Variants in RAB10 observed in about 807,000 individuals in gnomAD.
The protein encoded by RAB10 is ras-related protein Rab-10.
A neutral mutation model predicts 25.7 loss-of-function variants in RAB10; 5 were observed. That is an observed-to-expected ratio of 0.19 (90% CI 0.10 to 0.41). RAB10 has a LOEUF of 0.41. RAB10 is among the 10% of genes least tolerant of loss of function. RAB10 has a pLI of 1.00. For synonymous variants in RAB10, 89 were observed against 86.4 expected (o/e 1.03, Z -0.16); for missense variants, 103 against 245.8 (o/e 0.42, Z 3.89).
chr2:26,043,770 C>A (rs1240835143), intron 1 of RAB10, among the ~76,000 whole-genome samples: 2 of 152,088 alleles, frequency 1.3e-5, no homozygotes, highest in Non-Finnish European at 2.9e-5. Flanking sequence ...GCTTAATGAT[C>A]ACAGAGTTTT....
At chr2:26,113,695 C>G (rs1667626007) in intron 3 of RAB10, among the ~76,000 whole-genome samples, 1 of 148,842 alleles carries the variant, frequency 6.7e-6, no homozygotes, top group Non-Finnish European at 1.5e-5. Flanking sequence ...GCAAGAATAT[C>G]TACTCTGGCC....
intron 1 of RAB10, among the ~76,000 whole-genome samples, chr2:26,068,213 CTGAAAGATGATGTG>C (rs1666552817): frequency 6.6e-6 from 1 of 152,060 alleles, no homozygotes; most frequent in Non-Finnish European, 1.5e-5. Flanking sequence ...GTTCAAAGAA[CTGAAAGATGATGTG>C]TGTTGCAAAT....
intron 1 of RAB10, among the ~76,000 whole-genome samples, chr2:26,067,317 A>G (rs1295573322): frequency 6.6e-6 from 1 of 152,244 alleles, no homozygotes; most frequent in East Asian, 1.9e-4. Context: ...TTAAAAATAC[A>G]TAGATTAGTT....
At chr2:26,073,256 A>G (rs72858207) in intron 1 of RAB10, among the ~76,000 whole-genome samples, 315 of 152,362 alleles carry the variant, frequency 2.1e-3, no homozygotes, top group African/African-American at 7.3e-3. Context: ...AGAGGAACAA[A>G]TGGGAGAAGG....
At chr2:26,065,651 T>C (rs1666498216) in intron 1 of RAB10, among the ~76,000 whole-genome samples, 1 of 152,214 alleles carries the variant, frequency 6.6e-6, no homozygotes, top group African/African-American at 2.4e-5. Flanking sequence ...TAAGTTGATT[T>C]ATGAAGTAGT....
intron 3 of RAB10, among the ~76,000 whole-genome samples, chr2:26,126,003 G>A (rs1475944611): frequency 6.6e-6 from 1 of 152,132 alleles, no homozygotes; most frequent in Middle Eastern, 3.4e-3. Context: ...ATAGTTTGAG[G>A]TCTTTGATCT....
intron 1 of RAB10, among the ~76,000 whole-genome samples, chr2:26,058,051 A>G (rs573358121): frequency 6.6e-6 from 1 of 152,334 alleles, no homozygotes; most frequent in Non-Finnish European, 1.5e-5. Flanking sequence ...ACCATAGTAG[A>G]TACTCAGATA....
intron 1 of RAB10, among the ~76,000 whole-genome samples, chr2:26,070,009 C>T (rs1235197935): frequency 6.6e-6 from 1 of 152,122 alleles, no homozygotes; most frequent in Non-Finnish European, 1.5e-5. Flanking sequence ...ACCTGGCCTC[C>T]GATACTTTTG....
chr2:26,134,667 C>G (rs1005043208), intron 5 of RAB10, among the ~76,000 whole-genome samples: 4 of 152,148 alleles, frequency 2.6e-5, no homozygotes, highest in Non-Finnish European at 4.4e-5. Flanking sequence ...ATAACAAAAT[C>G]TATTTAAGAG....
intron 5 of RAB10, among the ~76,000 whole-genome samples, chr2:26,131,370 A>G (rs2384324): frequency 0.83 from 125,746 of 152,156 alleles, 52,314 homozygotes; most frequent in African/African-American, 0.93. Context: ...GGTTGGACAA[A>G]CTTGGTCTAG....
intron 1 of RAB10, among the ~76,000 whole-genome samples, chr2:26,044,793 G>T (rs563015017): frequency 5.3e-4 from 77 of 144,834 alleles, no homozygotes; most frequent in Non-Finnish European, 9.6e-4. Context: ...TGATCCACCT[G>T]CCTCGGCCTC....
intron 2 of RAB10, among the ~76,000 whole-genome samples, chr2:26,105,454 C>G (rs1667448179): frequency 6.6e-6 from 1 of 152,010 alleles, no homozygotes; most frequent in African/African-American, 2.4e-5. Context: ...AGTTTGAGAC[C>G]AGCCTGGCCA....
intron 5 of RAB10, among the ~76,000 whole-genome samples, chr2:26,130,462 C>T (rs543475172): frequency 6.6e-6 from 1 of 151,790 alleles, no homozygotes; most frequent in Non-Finnish European, 1.5e-5. Context: ...GCCATCAAGC[C>T]TGGCTTGGTC....
At chr2:26,113,257 C>CAA (rs1269906549) in intron 3 of RAB10, among the ~76,000 whole-genome samples, 1 of 151,986 alleles carries the variant, frequency 6.6e-6, no homozygotes, top group Non-Finnish European at 1.5e-5. Flanking sequence ...AAACATTTGA[C>CAA]AAAATCCAAC....
chr2:26,080,688 G>C (rs1396591484), intron 1 of RAB10, among the ~76,000 whole-genome samples: 1 of 152,028 alleles, frequency 6.6e-6, no homozygotes, highest in East Asian at 1.9e-4. Context: ...GTTTTGTTTT[G>C]TGTTTTGTTT....
intron 3 of RAB10, among the ~76,000 whole-genome samples, chr2:26,121,953 C>G (rs1667810130): frequency 6.6e-6 from 1 of 152,124 alleles, no homozygotes; most frequent in South Asian, 2.1e-4. Context: ...TCCCATATTG[C>G]AATCAAAAGA....
intron 3 of RAB10, among the ~76,000 whole-genome samples, chr2:26,122,576 T>G (rs528612777): frequency 3.4e-5 from 5 of 149,066 alleles, no homozygotes; most frequent in African/African-American, 5.0e-5. Flanking sequence ...TGCAGTGAGC[T>G]GAGATCACAC....
At chr2:26,034,846 CA>C (rs1665728931) in intron 1 of RAB10, 111 bp downstream of exon 1, 1 of 1,423,000 alleles carries the variant, frequency 7.0e-7, no homozygotes, top group Non-Finnish European at 9.7e-7. Flanking sequence ...ATTCCGATTC[CA>C]AACGACACAT....
At chr2:26,129,789 A>G (rs777868089) in intron 5 of RAB10, among the ~76,000 whole-genome samples, 8 of 152,194 alleles carry the variant, frequency 5.3e-5, no homozygotes, top group African/African-American at 1.2e-4. Context: ...ATGTTTTTCT[A>G]TGAGAATCCA....
Sources: gnomAD v4.1 joint callset for allele counts (sites outside exome capture counted in the v4.1 genomes callset) on GRCh38, gnomAD v4.1.1 for gene constraint, MANE v1.5 for transcripts, NCBI Gene and HGNC (gene_info 2026-07-23, HGNC 2026-07-21) for gene names.